Variants in SLC39A11 observed in about 807,000 individuals in gnomAD.
SLC39A11 encodes zinc transporter ZIP11.
In SLC39A11, 33 loss-of-function variants were observed where a neutral mutation model predicts 36.1. The observed-to-expected ratio is 0.91, with a 90% CI of 0.69 to 1.22. SLC39A11 has a LOEUF of 1.22. Among genes scored for constraint, SLC39A11 ranks in the 50% most tolerant of loss-of-function variants. The probability of loss-of-function intolerance (pLI) is 0.00; values close to 1 mark genes in which losing one functional copy is unlikely to be tolerated. For synonymous variants in SLC39A11, 166 were observed against 170.3 expected, an observed-to-expected ratio of 0.97 and a Z score of 0.20; for missense variants, 432 against 430.3, an observed-to-expected ratio of 1.00 and a Z score of -0.03.
At chr17:73,023,067 A>G (rs146148924) in intron 4 of SLC39A11, among the ~76,000 whole-genome samples, 9 of 152,304 alleles carry the variant, frequency 5.9e-5, no homozygotes, top group Non-Finnish European at 8.8e-5. Flanking sequence ...AGTATTAATT[A>G]GTACTGTGTA....
intron 4 of SLC39A11, among the ~76,000 whole-genome samples, chr17:72,978,466 G>A (rs549014701): frequency 6.6e-6 from 1 of 152,332 alleles, no homozygotes; most frequent in Admixed American, 6.5e-5. Flanking sequence ...GAAATAAACA[G>A]AGAAAGCCAC....
In SLC39A11 at chr17:72,762,913, T is replaced by C. The variant is rs1377159408; in HGVS notation, c.602-26194A>G. 3.3e-5 allele frequency among the ~76,000 whole-genome samples: 5 copies of C among 152,184 alleles called. No homozygotes were observed. In the South Asian group the frequency reaches 1.0e-3, roughly 32 times the overall value. ...ATTACTGCTTGCTGTGACTCTTCTTTTGAGACCCACGTAGACCATTTGGGA... is the reference window on the plus strand; with the variant it reads ...ATTACTGCTTGCTGTGACTCTTCTTCTGAGACCCACGTAGACCATTTGGGA... On this transcript the variant is annotated intron_variant, in intron 6 of 9. Transcript: ENST00000255559.
chr17:72,974,431 C>CAAAAAA (rs35927526), intron 4 of SLC39A11, among the ~76,000 whole-genome samples: 1 of 132,400 alleles, frequency 7.6e-6, no homozygotes, highest in Non-Finnish European at 1.6e-5. Context: ...CATTTTGTAC[C>CAAAAAA]AAAAAAAAAA....
chr17:72,882,873 C>T lies in SLC39A11; in HGVS notation c.431-33069G>A, dbSNP rs143727962. ...GTGCAATGGCGCGATCTCAGCTCAC[C>T]GCAACCTCTGTCTCCCAGGTTCAAG... On this transcript the variant is annotated intron_variant, in intron 5 of 9. Coordinates refer to ENST00000255559, the MANE Select transcript of SLC39A11 (RefSeq NM_139177.4). Among the ~76,000 whole-genome samples the T allele has an allele frequency of 9.0e-3, 1,305 of 145,252 alleles. 13 individuals carry two copies. Among genetic ancestry groups the T allele is most frequent in the Middle Eastern group, 0.062 (16 of 258 alleles).
At chr17:72,722,689 C>A (rs970095226) in intron 7 of SLC39A11, among the ~76,000 whole-genome samples, 4 of 151,808 alleles carry the variant, frequency 2.6e-5, no homozygotes, top group Admixed American at 2.0e-4. Flanking sequence ...GGCTGGAGTA[C>A]AATGGCACGA....
intron 5 of SLC39A11, among the ~76,000 whole-genome samples, chr17:72,901,721 G>T (rs1431757847): frequency 6.6e-6 from 1 of 152,176 alleles, no homozygotes; most frequent in Non-Finnish European, 1.5e-5. Context: ...CAGTGGCAGT[G>T]AGTTGAATGG....
At chr17:72,733,950 C>T (rs1429848251) in intron 7 of SLC39A11, among the ~76,000 whole-genome samples, 1 of 152,136 alleles carries the variant, frequency 6.6e-6, no homozygotes, top group East Asian at 1.9e-4. Context: ...GAAGCTGCAG[C>T]CCTTGACCTC....
intron 6 of SLC39A11, among the ~76,000 whole-genome samples, chr17:72,781,035 A>G (rs1033452119): frequency 6.6e-6 from 1 of 152,236 alleles, no homozygotes; most frequent in African/African-American, 2.4e-5. Context: ...ATTTCTTTAC[A>G]GTCCACACTC....
chr17:72,853,785 G>A (rs1400366855), intron 5 of SLC39A11, among the ~76,000 whole-genome samples: 2 of 152,096 alleles, frequency 1.3e-5, no homozygotes, highest in African/African-American at 4.8e-5. Flanking sequence ...GATGCGTCGT[G>A]AGCAATGAAT....
At chr17:72,992,589 A>G (rs1184929498) in intron 4 of SLC39A11, among the ~76,000 whole-genome samples, 1 of 152,176 alleles carries the variant, frequency 6.6e-6, no homozygotes, top group African/African-American at 2.4e-5. Flanking sequence ...TGTGTATTGC[A>G]AATATCTTCT....
chr17:72,951,933 C>A (rs1237304794), intron 4 of SLC39A11, among the ~76,000 whole-genome samples: 1 of 152,130 alleles, frequency 6.6e-6, no homozygotes, highest in Admixed American at 6.5e-5. Context: ...CTGTGGGTTG[C>A]ATTGCTTTAT....
At chr17:73,042,670 G>A (rs2059149126) in intron 3 of SLC39A11, among the ~76,000 whole-genome samples, 2 of 152,070 alleles carry the variant, frequency 1.3e-5, no homozygotes, top group African/African-American at 2.4e-5. Flanking sequence ...GCATGTTGGC[G>A]GGCACCTGTA....
At chr17:72,894,293 C>T (rs1254036253) in intron 5 of SLC39A11, among the ~76,000 whole-genome samples, 3 of 130,518 alleles carry the variant, frequency 2.3e-5, no homozygotes, top group Admixed American at 9.5e-5. Flanking sequence ...GCCCAGGAAG[C>T]GGAGGTTGCA....
At chr17:72,746,452 C>A (rs1568022236) in intron 6 of SLC39A11, among the ~76,000 whole-genome samples, 2 of 69,722 alleles carry the variant, frequency 2.9e-5, no homozygotes. Flanking sequence ...CCCATCTCTA[C>A]AAAAAATTAA....
chr17:72,716,644 T>C (rs893335229), intron 7 of SLC39A11, among the ~76,000 whole-genome samples: 1 of 151,886 alleles, frequency 6.6e-6, no homozygotes, highest in African/African-American at 2.4e-5. Context: ...GGAACACACA[T>C]GCAGAGGCAC....
At chr17:72,737,016 C>T (rs750724911) in intron 6 of SLC39A11, among the ~76,000 whole-genome samples, 7 of 152,166 alleles carry the variant, frequency 4.6e-5, no homozygotes, top group Non-Finnish European at 8.8e-5. Flanking sequence ...TGGCTCATGC[C>T]TGTAATGCCA....
At chr17:72,937,771 T>C (rs1425313287) in intron 5 of SLC39A11, among the ~76,000 whole-genome samples, 1 of 152,190 alleles carries the variant, frequency 6.6e-6, no homozygotes, top group Non-Finnish European at 1.5e-5. Flanking sequence ...TTCACTAAGA[T>C]TGACTTGAGC....
At chr17:72,919,655 G>C (rs1234970869) in intron 5 of SLC39A11, among the ~76,000 whole-genome samples, 2 of 134,998 alleles carry the variant, frequency 1.5e-5, no homozygotes, top group Non-Finnish European at 1.5e-5. Context: ...CTGGGCGACA[G>C]AGGGAGAGTC....
chr17:73,064,085 C>CAAA lies in SLC39A11; in HGVS notation c.147+20720_147+20722dup, dbSNP rs58225858. On this transcript the variant is annotated intron_variant, in intron 3 of 9. Transcript: ENST00000255559. ...AGAGGTTTCCAAAGAAATGCTACAG[C>CAAA]AAAAAAAAAAGGAAATAAAAAAAAG... Among the ~76,000 whole-genome samples, 74 of 146,018 alleles carry CAAA rather than the reference C, an allele frequency of 5.1e-4. 2 individuals carry two copies. The South Asian group carries it at 0.016, about 31-fold the overall frequency.
Sources: gnomAD v4.1 joint callset for allele counts (sites outside exome capture counted in the v4.1 genomes callset) on GRCh38, gnomAD v4.1.1 for gene constraint, MANE v1.5 for transcripts, NCBI Gene and HGNC (gene_info 2026-07-23, HGNC 2026-07-21) for gene names.